Variants in UBE2V2 observed in about 807,000 individuals in gnomAD.
The protein encoded by UBE2V2 is ubiquitin-conjugating enzyme E2 variant 2.
In UBE2V2, 9 loss-of-function variants were observed where a neutral mutation model predicts 17.2. The ratio of observed to expected loss-of-function variants is 0.52; its 90% CI spans 0.32 to 0.91. UBE2V2 has a LOEUF of 0.91. UBE2V2 is among the 40% of genes least tolerant of loss of function. The pLI is 0.04. For missense variants in UBE2V2, 133 were observed against 182.6 expected, an observed-to-expected ratio of 0.73 and a Z score of 1.56; for synonymous variants, 61 against 57.5, an observed-to-expected ratio of 1.06 and a Z score of -0.28.
chr8:48,011,965 C>T (rs913240791), intron 1 of UBE2V2, among the ~76,000 whole-genome samples: 1 of 152,170 alleles, frequency 6.6e-6, no homozygotes, highest in Non-Finnish European at 1.5e-5. Flanking sequence ...GACTTCTAAG[C>T]AGAAACATTT....
chr8:48,041,685 A>G (rs2091465288), intron 1 of UBE2V2: 1 of 152,234 alleles, frequency 6.6e-6, no homozygotes, highest in South Asian at 2.1e-4. Context: ...AGGTAGGAAT[A>G]CTTTCAATTT....
intron 1 of UBE2V2, among the ~76,000 whole-genome samples, chr8:48,024,861 T>G (rs2091329425): frequency 6.6e-6 from 1 of 152,102 alleles, no homozygotes; most frequent in South Asian, 2.1e-4. Context: ...CTGGTCAATA[T>G]TCACATAAAT....
Position 48,038,817 on chromosome 8 carries a change from G to T in UBE2V2, c.17-4216G>T, listed in dbSNP as rs150710126. On this transcript the variant is annotated intron_variant, in intron 1 of 3. Transcript: ENST00000523111. ...TTTTTGTATTTTTAGTAGAGACAGG[G>T]TTTCACTGTGTTGACCAGGCTGGTG... Among the ~76,000 whole-genome samples the T allele has an allele frequency of 5.1e-4, 77 of 151,976 alleles. 2 individuals carry two copies. In the East Asian group the frequency reaches 0.014, roughly 28 times the overall value.
Position 48,060,192 on chromosome 8 carries a change from A to G in UBE2V2, c.292-490A>G, listed in dbSNP as rs528397534. On this transcript the variant is annotated intron_variant, in intron 3 of 3. Coordinates refer to ENST00000523111, the MANE Select transcript of UBE2V2 (RefSeq NM_003350.3). ...ACCACTGTACTCCAGCCTGGGTGAC[A>G]GAGTGAGACTCTGTCTCAAAAAAAA... 3.5e-5 allele frequency among the ~76,000 whole-genome samples: 5 copies of G among 142,708 alleles called. No homozygotes were observed. In the Admixed American group the frequency reaches 3.6e-4, roughly 10 times the overall value. 93.6% of individuals were successfully genotyped at this position (142,708 alleles called of 152,430 possible). A position where few individuals can be genotyped will look rare whatever the true frequency, so the allele number is the denominator to read the frequency against.
chr8:48,018,104 T>C (rs1186945858), intron 1 of UBE2V2, among the ~76,000 whole-genome samples: 5 of 152,182 alleles, frequency 3.3e-5, no homozygotes, highest in African/African-American at 1.2e-4. Flanking sequence ...CCCAAAGTGC[T>C]GGGATTACAG....
intron 1 of UBE2V2, among the ~76,000 whole-genome samples, chr8:48,038,478 G>A (rs1167780600): frequency 1.3e-5 from 2 of 151,650 alleles, no homozygotes; most frequent in East Asian, 3.9e-4. Context: ...ACCATGCCCA[G>A]CTAATTTTTT....
intron 1 of UBE2V2, among the ~76,000 whole-genome samples, chr8:48,010,778 A>T (rs2154506614): frequency 6.7e-6 from 1 of 148,658 alleles, no homozygotes. Flanking sequence ...GCTCACTGCA[A>T]CTTCCACCTC....
In UBE2V2 at chr8:48,063,135, G is replaced by C. The variant is rs1351201759; in HGVS notation, c.*2307G>C. ...CTTCCCCCAAATCCACCATTGTGAAGTTGCCAACCCCCTGCCGCCTTCCCC... is the reference window on the plus strand; with the variant it reads ...CTTCCCCCAAATCCACCATTGTGAACTTGCCAACCCCCTGCCGCCTTCCCC... On this transcript the variant is annotated 3_prime_UTR_variant, in exon 4 of 4. Transcript: ENST00000523111. 1 of 152,236 alleles carries C rather than the reference G, an allele frequency of 6.6e-6. No individual in the cohort carries two copies. Among genetic ancestry groups the C allele is most frequent in the African/African-American group, 2.4e-5 (1 of 41,464 alleles). The allele number at this position is 152,236 out of a possible 1,614,324, so 9.4% of individuals were successfully genotyped here.
chr8:48,032,196 A>G (rs907866697), intron 1 of UBE2V2, among the ~76,000 whole-genome samples: 2 of 152,196 alleles, frequency 1.3e-5, no homozygotes, highest in Non-Finnish European at 2.9e-5. Context: ...ACGTGTTCTC[A>G]TTTGTTAACT....
chr8:48,050,664 G>A (rs1585443214), intron 3 of UBE2V2, among the ~76,000 whole-genome samples: 2 of 151,078 alleles, frequency 1.3e-5, no homozygotes, highest in Middle Eastern at 6.8e-3. Context: ...ACTCCAGCCT[G>A]GGTGAAAGAG....
intron 1 of UBE2V2, among the ~76,000 whole-genome samples, chr8:48,027,332 CA>C (rs1250248430): frequency 6.6e-6 from 1 of 152,096 alleles, no homozygotes; most frequent in Non-Finnish European, 1.5e-5. Context: ...TTCCTACCAG[CA>C]GTATATGAAG....
intron 1 of UBE2V2, among the ~76,000 whole-genome samples, chr8:48,012,960 C>T (rs1589848719): frequency 1.3e-5 from 2 of 151,626 alleles, no homozygotes; most frequent in Middle Eastern, 3.2e-3. Flanking sequence ...ATTCTCCTGC[C>T]TCAGCCTCCC....
chr8:48,006,951 G>A (rs1296946021), upstream of UBE2V2, among the ~76,000 whole-genome samples: 1 of 151,634 alleles, frequency 6.6e-6, no homozygotes, highest in African/African-American at 2.4e-5. Flanking sequence ...CGCCATCTCG[G>A]TTCACTGCAA....
rs553479750 is a variant in UBE2V2, at chr8:48,056,362, T to C, written c.292-4320T>C. Among the ~76,000 whole-genome samples the C allele has an allele frequency of 1.8e-3, 269 of 152,314 alleles. 1 individual carries two copies. The highest frequency in any genetic ancestry group is 6.8e-3 in the Middle Eastern group (2 of 294). ...CAAATATTTTCATTTCTTTTGGATATATATTTAGGAGTGGAATTGTTGGGT... is the reference window on the plus strand; with the variant it reads ...CAAATATTTTCATTTCTTTTGGATACATATTTAGGAGTGGAATTGTTGGGT... On this transcript the variant is annotated intron_variant, in intron 3 of 3. Transcript: ENST00000523111.
At chr8:48,028,111 CAAAG>C (rs1396288833) in intron 1 of UBE2V2, among the ~76,000 whole-genome samples, 14 of 152,150 alleles carry the variant, frequency 9.2e-5, no homozygotes, top group African/African-American at 3.4e-4. Context: ...CTTGGCCTCC[CAAAG>C]TGCTGGGATT....
intron 1 of UBE2V2, among the ~76,000 whole-genome samples, chr8:48,015,764 T>C (rs2091264190): frequency 6.6e-6 from 1 of 152,142 alleles, no homozygotes; most frequent in South Asian, 2.1e-4. Context: ...GCCTGTGTTA[T>C]TTCAGTTAAC....
chr8:48,038,428 G>A (rs2091439006), intron 1 of UBE2V2, among the ~76,000 whole-genome samples: 1 of 151,564 alleles, frequency 6.6e-6, no homozygotes, highest in Admixed American at 6.6e-5. Context: ...TGATCCTCCC[G>A]CCTTAGTCTC....
chr8:48,007,218 C>T (rs970968034), upstream of UBE2V2, among the ~76,000 whole-genome samples: 1 of 152,090 alleles, frequency 6.6e-6, no homozygotes, highest in African/African-American at 2.4e-5. Flanking sequence ...GATGCCCTCT[C>T]TCACCACTCC....
chr8:48,007,828 C>G (rs1162360833), upstream of UBE2V2, among the ~76,000 whole-genome samples: 2 of 151,958 alleles, frequency 1.3e-5, no homozygotes, highest in Admixed American at 6.6e-5. Flanking sequence ...CTCTTGGGCT[C>G]ACGTGACCCT....
Sources: allele counts gnomAD v4.1 joint callset (sites outside exome capture counted in the v4.1 genomes callset), GRCh38; gene constraint gnomAD v4.1.1; transcripts MANE v1.5; gene names NCBI Gene and HGNC (gene_info 2026-07-23, HGNC 2026-07-21).